CPLANE1: variants seen among roughly 807,000 people sequenced by gnomAD.
The protein encoded by CPLANE1 is ciliogenesis and planar polarity effector complex subunit 1.
In CPLANE1, 263 loss-of-function variants were observed where a neutral mutation model predicts 362.5. That is an observed-to-expected ratio of 0.73 (90% CI 0.66 to 0.80). CPLANE1 has a LOEUF of 0.80. CPLANE1 is among the 30% of genes least tolerant of loss of function. The pLI, the probability that CPLANE1 is intolerant of heterozygous loss-of-function variation, is 0.00. For missense variants in CPLANE1, 3,461 were observed against 3,793.4 expected (o/e 0.91, Z 2.30); for synonymous variants, 1,212 against 1,302.6 (o/e 0.93, Z 1.50).
At position 37,120,358 on chromosome 5, in the gene CPLANE1, T is replaced by TA; in HGVS notation, c.9186-19dup. 1 of 1,540,936 alleles carries TA rather than the reference T, an allele frequency of 6.5e-7. No individual in the cohort carries two copies. The highest frequency in any genetic ancestry group is 8.7e-7 in the Non-Finnish European group (1 of 1,151,102). Reference sequence around the variant, plus strand: ...GATTCTCTCTATAGTAGAAATCACATAATTATTACATTCCCAGAATCTCAT... The same window carrying TA: ...GATTCTCTCTATAGTAGAAATCACATAAATTATTACATTCCCAGAATCTCAT... On this transcript the variant is annotated intron_variant, in intron 49 of 52. Coordinates refer to ENST00000651892, the MANE Select transcript of CPLANE1 (RefSeq NM_001384732.1).
the CPLANE1 span, among the ~76,000 whole-genome samples, chr5:37,083,011 G>A: frequency 1.3e-5 from 2 of 152,094 alleles, no homozygotes; most frequent in Non-Finnish European, 2.9e-5. Context: ...CTCTCTGAAG[G>A]AAGCAGATTA....
the CPLANE1 span, among the ~76,000 whole-genome samples, chr5:37,090,674 T>C: frequency 6.6e-6 from 1 of 152,220 alleles, no homozygotes; most frequent in Non-Finnish European, 1.5e-5. Flanking sequence ...AGCAGCAGTC[T>C]GGTAGAGACC....
chr5:37,242,406 A>G (rs945442359), intron 6 of CPLANE1, among the ~76,000 whole-genome samples: 2 of 152,218 alleles, frequency 1.3e-5, no homozygotes, highest in African/African-American at 4.8e-5. Flanking sequence ...GAATAAAACT[A>G]TTTTTAAATA....
chr5:37,168,260 A>G (rs1778839475), intron 34 of CPLANE1, among the ~76,000 whole-genome samples: 1 of 152,194 alleles, frequency 6.6e-6, no homozygotes, highest in African/African-American at 2.4e-5. Flanking sequence ...CCTGTCAAAG[A>G]TTTGAAGATC....
intron 23 of CPLANE1, 42 bp downstream of exon 23, chr5:37,187,372 T>G (rs775298293): frequency 6.7e-7 from 1 of 1,492,320 alleles, no homozygotes; most frequent in African/African-American, 1.4e-5. Context: ...TTTTAAAGTC[T>G]CTGATTCTGA....
chr5:37,120,191 T>C, intron 50 of CPLANE1, 25 bp downstream of exon 50: 1 of 1,586,692 alleles, frequency 6.3e-7, no homozygotes, highest in Non-Finnish European at 8.5e-7. Flanking sequence ...AATCAGACAA[T>C]TTATAAAAAA....
intron 21 of CPLANE1, among the ~76,000 whole-genome samples, chr5:37,194,306 C>T (rs754359179): frequency 2.2e-4 from 33 of 152,154 alleles, no homozygotes; most frequent in Non-Finnish European, 4.1e-4. Context: ...AACAGTAGAA[C>T]TCATGATCAA....
At chr5:37,142,622 T>A in intron 43 of CPLANE1, 142 bp from the exon 44 acceptor site, 1 of 472,570 alleles carries the variant, frequency 2.1e-6, no homozygotes, top group Non-Finnish European at 3.6e-6. Context: ...TTCTACTGTA[T>A]AATGAATTTA....
the CPLANE1 span, among the ~76,000 whole-genome samples, chr5:37,090,896 A>G: frequency 2.6e-5 from 4 of 152,274 alleles, no homozygotes; most frequent in Non-Finnish European, 4.4e-5. Flanking sequence ...GATTTCAGCA[A>G]TTCCTAGATC....
intron 21 of CPLANE1, among the ~76,000 whole-genome samples, chr5:37,190,657 CAT>C (rs2151277528): frequency 6.6e-6 from 1 of 152,240 alleles, no homozygotes; most frequent in Non-Finnish European, 1.5e-5. Flanking sequence ...TAAATTTAAA[CAT>C]GGGATAGATA....
rs796082243 is a variant in CPLANE1, at chr5:37,185,149, C to G, written c.4190-70G>C. ...TCAATTCAAGACATAGGAGACCCAA[C>G]TCTGGTCCCTCCTGGGGACAAGAAA... is the stretch of plus-strand genomic sequence containing the variant. On this transcript the variant is annotated intron_variant, in intron 24 of 52. Coordinates refer to ENST00000651892, the MANE Select transcript of CPLANE1 (RefSeq NM_001384732.1). 3 of 1,412,534 alleles carry G rather than the reference C, an allele frequency of 2.1e-6. No homozygotes were observed. The African/African-American group carries it at 4.3e-5, about 20-fold the overall frequency. The allele number at this position is 1,412,534 out of a possible 1,614,324, so 87.5% of individuals were successfully genotyped here. A position where few individuals can be genotyped will look rare whatever the true frequency, so the allele number is the denominator to read the frequency against.
Position 37,183,697 on chromosome 5 carries a change from T to C in CPLANE1, c.4484A>G (p.Asn1495Ser). ...EKSRINIYQRNAPNHMELTSI... is the reference protein window; with the variant it reads ...EKSRINIYQRSAPNHMELTSI... ...TGTTAATTCCATGTGATTTGGGGCATTTCTATAGCAAAAAAATAAAATAAG... is the reference window on the plus strand; with the variant it reads ...TGTTAATTCCATGTGATTTGGGGCACTTCTATAGCAAAAAAATAAAATAAG... Residue 1495 changes from asparagine (N) to serine (S), a missense_variant and splice_region_variant, in exon 26 of 53, where the codon AAT becomes AGT. By Grantham distance (46) the Asn-to-Ser change is conservative. Coordinates refer to ENST00000651892, the MANE Select transcript of CPLANE1 (RefSeq NM_001384732.1). 6.4e-7 allele frequency: 1 copy of C among 1,550,650 alleles called. No homozygotes were observed. The highest frequency in any genetic ancestry group is 8.7e-7 in the Non-Finnish European group (1 of 1,153,802).
At chr5:37,218,122 T>TTACA (rs1794547600) in intron 15 of CPLANE1, among the ~76,000 whole-genome samples, 1 of 152,160 alleles carries the variant, frequency 6.6e-6, no homozygotes, top group African/African-American at 2.4e-5. Context: ...GCTTGTAAGG[T>TTACA]GGTCCTTGGC....
chr5:37,190,097 G>A (rs1043673159), intron 21 of CPLANE1, among the ~76,000 whole-genome samples: 2 of 152,120 alleles, frequency 1.3e-5, no homozygotes, highest in African/African-American at 4.8e-5. Context: ...GTGTGTGCAT[G>A]TATTACCTTG....
Position 37,226,898 on chromosome 5 carries a change from A to G in CPLANE1, c.1697T>C (p.Ile566Thr). Reference sequence around the variant, plus strand: ...TTTCTGGATAGAATGCAGTTCTGTAATGGTTCTATCTGTCTCCTCACTATC... The same window carrying G: ...TTTCTGGATAGAATGCAGTTCTGTAGTGGTTCTATCTGTCTCCTCACTATC... ...KDDSEETDRT[I>T]TELHSIQKSL... The change falls in exon 12 of 53, where the codon ATT becomes ACT. Residue 566 changes from isoleucine to threonine, a missense_variant. Physicochemically the swap from Ile to Thr is moderately conservative, Grantham distance 89. Around this residue, in one of 2 missense-constraint regions of CPLANE1, gnomAD observed 3,380 missense variants for 3,666.1 expected, o/e 0.92. Coordinates refer to ENST00000651892, the MANE Select transcript of CPLANE1 (RefSeq NM_001384732.1). 8 of 1,551,772 alleles carry G rather than the reference A, an allele frequency of 5.2e-6. No homozygotes were observed. The highest frequency in any genetic ancestry group is 7.0e-6 in the Non-Finnish European group (8 of 1,146,980).
intron 44 of CPLANE1, 37 bp from the exon 45 acceptor site, chr5:37,139,407 T>A (rs1768952742): frequency 1.7e-6 from 2 of 1,149,024 alleles, no homozygotes; most frequent in Non-Finnish European, 2.4e-6. Context: ...AATTTTGGGT[T>A]TTTTTTTGCT....
At chr5:37,146,398 C>T (rs971737355) in intron 43 of CPLANE1, among the ~76,000 whole-genome samples, 20 of 152,074 alleles carry the variant, frequency 1.3e-4, no homozygotes, top group Admixed American at 7.9e-4. Flanking sequence ...AGGCTGGTTT[C>T]GAACTCCTGA....
At chr5:37,161,654 T>C (rs1020202814) in intron 38 of CPLANE1, among the ~76,000 whole-genome samples, 14 of 152,158 alleles carry the variant, frequency 9.2e-5, no homozygotes, top group African/African-American at 1.9e-4. Context: ...CTAGAGAAGA[T>C]AGCCATAATA....
At chr5:37,124,153 C>T (rs867047652) in intron 47 of CPLANE1, among the ~76,000 whole-genome samples, 1 of 151,938 alleles carries the variant, frequency 6.6e-6, no homozygotes, top group African/African-American at 2.4e-5. Context: ...CACCATTTGG[C>T]GTTTTAATGG....
Sources: gnomAD v4.1 joint callset for allele counts (sites outside exome capture counted in the v4.1 genomes callset) on GRCh38, gnomAD v4.1.1 for gene constraint, gnomAD v4.1.1 regional missense constraint, MANE v1.5 for transcripts, NCBI Gene and HGNC (gene_info 2026-07-23, HGNC 2026-07-21) for gene names.